TANGO2: variants seen among roughly 807,000 people sequenced by gnomAD.
TANGO2 encodes transport and Golgi organization protein 2 homolog.
In TANGO2, 26 loss-of-function variants were observed where a neutral mutation model predicts 39.1. That is an observed-to-expected ratio of 0.67 (90% CI 0.49 to 0.92). TANGO2 has a LOEUF of 0.92. Among genes scored for constraint, TANGO2 ranks in the 40% least tolerant of loss-of-function variants. The pLI is 0.00. For missense variants in TANGO2, 326 were observed against 360.1 expected (o/e 0.91, Z 0.77); for synonymous variants, 131 against 144.5 (o/e 0.91, Z 0.67).
chr22:20,026,731 G>A (rs573691988), intron 1 of TANGO2, among the ~76,000 whole-genome samples: 79 of 152,356 alleles, frequency 5.2e-4, no homozygotes, highest in Non-Finnish European at 9.6e-4. Flanking sequence ...CATACAGGAG[G>A]TCACAAGTTG....
intron 1 of TANGO2, among the ~76,000 whole-genome samples, chr22:20,028,280 T>A (rs2041175755): frequency 6.6e-6 from 1 of 152,178 alleles, no homozygotes; most frequent in South Asian, 2.1e-4. Context: ...CCTGGCTAAT[T>A]GTTTTTATTT....
At chr22:20,027,956 G>A (rs2041105798) in intron 1 of TANGO2, among the ~76,000 whole-genome samples, 1 of 151,958 alleles carries the variant, frequency 6.6e-6, no homozygotes, top group Admixed American at 6.6e-5. Context: ...GCACTACCAT[G>A]CCTGGCTAAT....
intron 6 of TANGO2, among the ~76,000 whole-genome samples, chr22:20,059,381 T>C (rs2047951782): frequency 6.6e-6 from 1 of 152,236 alleles, no homozygotes; most frequent in African/African-American, 2.4e-5. Context: ...TATGTTTTTA[T>C]GGCTCTCATG....
Position 20,061,533 on chromosome 22 carries a change from C to T in TANGO2, c.455C>T (p.Thr152Ile), listed in dbSNP as rs369498657. The change falls in exon 7 of 9, where the codon ACC becomes ATC. Residue 152 changes from threonine to isoleucine, a missense_variant. Thr to Ile is a moderately conservative substitution (Grantham distance 89). Transcript: ENST00000327374. ...GCCCGCTGATTGCTCCTCACAGGCA[C>T]CTACGGGCTGAGCAACGCGCTGCTG... The part of the protein sequence containing the change: ...EPDPIVLTPG[T>I]YGLSNALLET... 4 of 1,604,422 alleles carry T rather than the reference C, an allele frequency of 2.5e-6. No individual in the cohort carries two copies. The highest frequency in any genetic ancestry group is 2.2e-5 in the East Asian group (1 of 44,710).
At chr22:20,050,589 C>G (rs1602205946) in intron 3 of TANGO2, among the ~76,000 whole-genome samples, 1 of 151,148 alleles carries the variant, frequency 6.6e-6, no homozygotes, top group Non-Finnish European at 1.5e-5. Context: ...GTCTCGAACT[C>G]CTGACCTCGT....
chr22:20,051,108 G>A (rs778662248), intron 3 of TANGO2, among the ~76,000 whole-genome samples: 23 of 151,378 alleles, frequency 1.5e-4, no homozygotes, highest in South Asian at 2.1e-4. Flanking sequence ...TGATCTGCCC[G>A]CCTCGGCCTC....
chr22:20,059,614 T>C (rs2048002400), intron 6 of TANGO2, among the ~76,000 whole-genome samples: 1 of 152,048 alleles, frequency 6.6e-6, no homozygotes, highest in Admixed American at 6.5e-5. Context: ...TGGTTTGGTT[T>C]GCGTTTCTCT....
intron 2 of TANGO2, 171 bp downstream of exon 2, chr22:20,037,025 T>C: frequency 6.4e-6 from 10 of 1,566,868 alleles, no homozygotes; most frequent in Non-Finnish European, 8.6e-6. Flanking sequence ...GCTGTCAGAA[T>C]GCCTCTCGGG....
At chr22:20,064,499 G>A in intron 8 of TANGO2, 43 bp from the exon 9 acceptor site, 7 of 1,612,472 alleles carry the variant, frequency 4.3e-6, no homozygotes, top group Non-Finnish European at 5.9e-6. Context: ...GCAGGGCAGG[G>A]CTGAGGGACA....
At chr22:20,056,326 T>C (rs1005710424) in intron 6 of TANGO2, 6 of 589,922 alleles carry the variant, frequency 1.0e-5, no homozygotes, top group Non-Finnish European at 1.9e-5. Flanking sequence ...CAGTGTGCCC[T>C]GTGCCTGTTC....
At chr22:20,053,856 G>C (rs960955812) in intron 5 of TANGO2, 1 of 432,274 alleles carries the variant, frequency 2.3e-6, no homozygotes, top group Non-Finnish European at 4.6e-6. Flanking sequence ...CCACGGGCAG[G>C]CTGTGCAGAG....
intron 6 of TANGO2, 64 bp downstream of exon 6, chr22:20,056,077 CT>C: frequency 1.5e-6 from 2 of 1,308,764 alleles, no homozygotes; most frequent in Non-Finnish European, 2.2e-6. Context: ...CACCCTTGTG[CT>C]TTTTAGAGAC....
chr22:20,053,326 A>G, intron 4 of TANGO2, 111 bp from the exon 5 acceptor site: 1 of 700,244 alleles, frequency 1.4e-6, no homozygotes, highest in African/African-American at 1.7e-5. Context: ...CCAGGGCTCC[A>G]GTGGGACCCC....
Sources: gnomAD v4.1 joint callset for allele counts (sites outside exome capture counted in the v4.1 genomes callset) on GRCh38, gnomAD v4.1.1 for gene constraint, MANE v1.5 for transcripts, NCBI Gene and HGNC (gene_info 2026-07-23, HGNC 2026-07-21) for gene names.